The following CPS1 variants were observed in gnomAD, a reference collection of about 807,000 sequenced individuals.
The protein encoded by CPS1 is carbamoyl-phosphate synthase [ammonia], mitochondrial.
In CPS1, 109 loss-of-function variants were observed where a neutral mutation model predicts 174.6. That is an observed-to-expected ratio of 0.62 (90% CI 0.53 to 0.73). The LOEUF (loss-of-function observed/expected upper bound fraction) is 0.73. Ranked by LOEUF, CPS1 falls within the 30% of genes least tolerant of loss-of-function variation. CPS1 has a pLI of 0.00. For synonymous variants in CPS1, 637 were observed against 632.0 expected (o/e 1.01, Z -0.12); for missense variants, 1,689 against 1,821.9 (o/e 0.93, Z 1.33).
chr2:210,554,132 TACATATATATATGTATATATACACAC>T (rs1696813238), upstream of CPS1, among the ~76,000 whole-genome samples: 1 of 133,542 alleles, frequency 7.5e-6, no homozygotes, highest in African/African-American at 2.6e-5. Context: ...TATATATACA[TACATATATATATGTATATATACACAC>T]ACATATACAT....
intron 1 of CPS1, among the ~76,000 whole-genome samples, chr2:210,531,248 A>G (rs1268491607): frequency 1.3e-5 from 2 of 152,062 alleles, no homozygotes; most frequent in Non-Finnish European, 2.9e-5. Context: ...ACGGGGGAAA[A>G]AAGTACGAGC....
chr2:210,573,340 A>C lies in CPS1; in HGVS notation c.169A>C (p.Lys57Gln). The C allele has an allele frequency of 6.2e-7, 1 of 1,613,256 alleles. No homozygotes were observed. The highest frequency in any genetic ancestry group is 8.5e-7 in the Non-Finnish European group (1 of 1,179,308). ...HIVLEDGTKM[K>Q]GYSFGHPSSV... is the part of the protein sequence containing the mutation. ...TGTCCTGGAAGATGGAACTAAGATG[A>C]AAGGTTACTCCTTTGGCCATCCATC... The change falls in exon 2 of 38, where the codon AAA becomes CAA. Residue 57 changes from lysine to glutamine, a missense_variant. Transcript: ENST00000233072.
At chr2:210,588,488 C>T (rs1698182047) in intron 7 of CPS1, among the ~76,000 whole-genome samples, 1 of 152,022 alleles carries the variant, frequency 6.6e-6, no homozygotes, top group African/African-American at 2.4e-5. Context: ...TGTCTGATAG[C>T]ATCTCCTTTG....
At chr2:210,501,151 A>G (rs911002380) in intron 1 of CPS1, among the ~76,000 whole-genome samples, 2 of 152,022 alleles carry the variant, frequency 1.3e-5, no homozygotes, top group African/African-American at 2.4e-5. Flanking sequence ...TAGGCTGCAC[A>G]CATCGGGGGG....
chr2:210,622,372 G>C (rs1457184313), intron 21 of CPS1, among the ~76,000 whole-genome samples: 1 of 151,610 alleles, frequency 6.6e-6, no homozygotes, highest in Admixed American at 6.6e-5. Context: ...TTAAATATAT[G>C]TAAACATAAG....
Position 210,506,278 on chromosome 2 carries a change from A to T in CPS1, c.3+28512A>T, listed in dbSNP as rs1389538507. ...TTCTGATACCCAGGCAAACAGGGTC[A>T]GGAGTGGACCTCCAGCAAACTCCAA... On this transcript the variant is annotated intron_variant, in intron 1 of 38. Coordinates refer to the CPS1 transcript ENST00000430249. Among the ~76,000 whole-genome samples the T allele has an allele frequency of 3.3e-5, 5 of 152,164 alleles. No homozygotes were observed. The East Asian group carries it at 5.8e-4, about 18-fold the overall frequency.
intron 33 of CPS1, 97 bp downstream of exon 33, chr2:210,663,294 TCTG>T: frequency 8.5e-7 from 1 of 1,179,040 alleles, no homozygotes; most frequent in Non-Finnish European, 1.2e-6. Context: ...AATAAAAACA[TCTG>T]CTATCAGAGT....
At chr2:210,574,136 A>C (rs1697608614) in intron 2 of CPS1, among the ~76,000 whole-genome samples, 1 of 152,060 alleles carries the variant, frequency 6.6e-6, no homozygotes, top group African/African-American at 2.4e-5. Flanking sequence ...TAATTATATA[A>C]TATTGGGAAC....
chr2:210,591,372 CAATATT>C (rs1446975348), intron 9 of CPS1, among the ~76,000 whole-genome samples: 3 of 151,870 alleles, frequency 2.0e-5, no homozygotes, highest in Non-Finnish European at 4.4e-5. Flanking sequence ...TTGCCTCAAA[CAATATT>C]AATTTATTAA....
At chr2:210,491,325 T>C in intron 1 of CPS1, among the ~76,000 whole-genome samples, 1 of 131,336 alleles carries the variant, frequency 7.6e-6, no homozygotes, top group Non-Finnish European at 1.6e-5. Context: ...TTTTTTTTTT[T>C]TTTTTTTTTT....
intron 1 of CPS1, among the ~76,000 whole-genome samples, chr2:210,564,483 C>T (rs916324472): frequency 2.0e-5 from 3 of 152,010 alleles, no homozygotes; most frequent in Non-Finnish European, 4.4e-5. Context: ...TCACGCCATT[C>T]TCCTGCCTCA....
At chr2:210,511,495 C>T (rs1695490944) in intron 1 of CPS1, among the ~76,000 whole-genome samples, 1 of 151,682 alleles carries the variant, frequency 6.6e-6, no homozygotes, top group Admixed American at 6.6e-5. Flanking sequence ...AACAAACCTG[C>T]ACATTGTGCA....
At chr2:210,575,544 G>A (rs1420357900) in intron 2 of CPS1, among the ~76,000 whole-genome samples, 7 of 129,376 alleles carry the variant, frequency 5.4e-5, no homozygotes, top group African/African-American at 1.5e-4. Context: ...ACACACACAC[G>A]ATATATTTGT....
intron 1 of CPS1, among the ~76,000 whole-genome samples, chr2:210,486,074 A>C (rs1197071832): frequency 6.8e-6 from 1 of 147,228 alleles, no homozygotes; most frequent in African/African-American, 2.5e-5. Flanking sequence ...ATATATGTAT[A>C]TATATGTGTA....
chr2:210,573,190 T>C, intron 1 of CPS1, 108 bp from the exon 2 acceptor site: 2 of 986,026 alleles, frequency 2.0e-6, no homozygotes, highest in Non-Finnish European at 3.3e-6. Flanking sequence ...ATGGTTTCAT[T>C]AAATATACTG....
chr2:210,578,803 G>C (rs1293013283), intron 4 of CPS1, among the ~76,000 whole-genome samples: 1 of 152,094 alleles, frequency 6.6e-6, no homozygotes, highest in Non-Finnish European at 1.5e-5. Context: ...TCATTTGGGA[G>C]ACACTTCTCT....
At chr2:210,585,874 T>A (rs536067630) in intron 6 of CPS1, among the ~76,000 whole-genome samples, 1 of 151,828 alleles carries the variant, frequency 6.6e-6, no homozygotes, top group South Asian at 2.1e-4. Flanking sequence ...TACCCGCTCC[T>A]GTGACAAAAC....
In CPS1 at chr2:210,677,095, A is replaced by C. The variant is rs773049397; in HGVS notation, c.4363A>C (p.Thr1455Pro). Residue 1455 changes from threonine (T) to proline (P), a missense_variant, in exon 37 of 38, where the codon ACA becomes CCA. Coordinates refer to ENST00000233072, the MANE Select transcript of CPS1 (RefSeq NM_001875.5). ...CCATGATAATTATGTGATTCGGAGG[A>C]CAGCTGTTGATAGTGGAATCCCTCT... is the stretch of plus-strand genomic sequence containing the variant. ...FVHDNYVIRR[T>P]AVDSGIPLLT... 1 of 1,613,152 alleles carries C rather than the reference A, an allele frequency of 6.2e-7. No individual in the cohort carries two copies. The highest frequency in any genetic ancestry group is 8.5e-7 in the Non-Finnish European group (1 of 1,179,154).
intron 31 of CPS1, among the ~76,000 whole-genome samples, 157 bp downstream of exon 31, chr2:210,658,845 A>C (rs145538803): frequency 6.6e-6 from 1 of 152,324 alleles, no homozygotes; most frequent in African/African-American, 2.4e-5. Flanking sequence ...ATAGCATATA[A>C]TGTCTACCTT....
Sources: allele counts gnomAD v4.1 joint callset (sites outside exome capture counted in the v4.1 genomes callset), GRCh38; gene constraint gnomAD v4.1.1; transcripts MANE v1.5; gene names NCBI Gene and HGNC (gene_info 2026-07-23, HGNC 2026-07-21).